The following CSPP1 variants were observed in gnomAD, a reference collection of about 807,000 sequenced individuals.
The protein encoded by CSPP1 is centrosome and spindle pole associated protein 1.
Under a neutral mutation model 164.4 loss-of-function variants are expected in CSPP1, and 126 were observed. The observed-to-expected ratio is 0.77, with a 90% CI of 0.66 to 0.89. The LOEUF (loss-of-function observed/expected upper bound fraction) is 0.89, where lower values mean the gene tolerates loss of function less well. Among genes scored for constraint, CSPP1 ranks in the 40% least tolerant of loss-of-function variants. CSPP1 has a pLI of 0.00. For missense variants in CSPP1, 1,395 were observed against 1,449.8 expected (o/e 0.96, Z 0.61); for synonymous variants, 472 against 476.7 (o/e 0.99, Z 0.13).
In CSPP1 at chr8:67,112,339, G is replaced by T. The variant is rs6998170; in HGVS notation, c.1187+274G>T. On this transcript the variant is annotated intron_variant, in intron 10 of 30. Transcript: ENST00000678616. ...TGATTTCTTCAGTTTTTGATTTAAG[G>T]TAGCATTTAATGTTATAGATATGCC... Among the ~76,000 whole-genome samples, 5,402 of 151,074 alleles carry T rather than the reference G, an allele frequency of 0.036. 200 individuals are homozygous for T. Among genetic ancestry groups the T allele is most frequent in the African/African-American group, 0.082 (3,386 of 41,142 alleles).
At chr8:67,149,752 T>C in intron 17 of CSPP1, 31 bp from the exon 18 acceptor site, 1 of 1,443,042 alleles carries the variant, frequency 6.9e-7, no homozygotes, top group Non-Finnish European at 9.2e-7. Flanking sequence ...AATGTGTTTA[T>C]TGAAATAAAT....
At chr8:67,069,841 G>T (rs1484851409) in intron 1 of CSPP1, among the ~76,000 whole-genome samples, 2 of 151,738 alleles carry the variant, frequency 1.3e-5, no homozygotes, top group African/African-American at 2.4e-5. Context: ...TGTATTTTTA[G>T]TAGAGACGGG....
chr8:67,167,386 G>A (rs541951282), intron 24 of CSPP1, among the ~76,000 whole-genome samples: 3 of 149,628 alleles, frequency 2.0e-5, no homozygotes, highest in Admixed American at 1.3e-4. Flanking sequence ...GCAGCTGGCC[G>A]GGCGGGGGCT....
At chr8:67,083,702 G>A (rs1026585902) in intron 3 of CSPP1, 1 of 151,540 alleles carries the variant, frequency 6.6e-6, no homozygotes, top group Non-Finnish European at 1.5e-5. Context: ...TTGTAAATTT[G>A]TAAATTGCTT....
chr8:67,177,565 T>G, intron 26 of CSPP1, 115 bp from the exon 27 acceptor site: 1 of 663,068 alleles, frequency 1.5e-6, no homozygotes, highest in Non-Finnish European at 2.7e-6. Context: ...TGAAGTGTGA[T>G]AGTTGAAAAG....
chr8:67,129,793 A>G (rs1338802336), intron 15 of CSPP1, among the ~76,000 whole-genome samples: 2 of 152,248 alleles, frequency 1.3e-5, no homozygotes, highest in Non-Finnish European at 2.9e-5. Context: ...TCCAGGAAGT[A>G]CAAATCTATA....
chr8:67,068,463 G>A (rs1402972494), intron 1 of CSPP1, among the ~76,000 whole-genome samples: 1 of 152,170 alleles, frequency 6.6e-6, no homozygotes, highest in Non-Finnish European at 1.5e-5. Flanking sequence ...ATATTGTAGA[G>A]TGTCATATAT....
At chr8:67,167,953 A>C in intron 24 of CSPP1, among the ~76,000 whole-genome samples, 1 of 152,094 alleles carries the variant, frequency 6.6e-6, no homozygotes, top group East Asian at 1.9e-4. Context: ...GGCGGCTGGG[A>C]GGTGGAGGTT....
chr8:67,079,857 G>A (rs188665679), intron 3 of CSPP1, among the ~76,000 whole-genome samples: 15 of 152,236 alleles, frequency 9.9e-5, no homozygotes, highest in East Asian at 5.8e-4. Context: ...AGCACAGTGC[G>A]CAGCACTTAC....
chr8:67,143,824 TGTTA>T (rs1265137465), intron 17 of CSPP1, among the ~76,000 whole-genome samples: 4 of 152,128 alleles, frequency 2.6e-5, no homozygotes, highest in Admixed American at 6.5e-5. Flanking sequence ...TAAACTCACT[TGTTA>T]GTTTTAGTAG....
intron 28 of CSPP1, among the ~76,000 whole-genome samples, chr8:67,184,943 C>CAAAAA (rs796384901): frequency 1.8e-4 from 10 of 56,074 alleles, no homozygotes; most frequent in East Asian, 7.0e-4. Flanking sequence ...ACTAAAAATA[C>CAAAAA]AAAAAAAAAA....
At chr8:67,193,224 A>G (rs1836903354) in intron 29 of CSPP1, among the ~76,000 whole-genome samples, 1 of 152,014 alleles carries the variant, frequency 6.6e-6, no homozygotes, top group Non-Finnish European at 1.5e-5. Flanking sequence ...CAGCCACCCA[A>G]GTAGCCGGGG....
rs1285976520 is a variant in CSPP1 at position 67,159,911 on chromosome 8, T to TC, written c.2538+775dup. Among the ~76,000 whole-genome samples the TC allele has an allele frequency of 1.0e-4, 7 of 68,150 alleles. 2 individuals are homozygous for TC. The South Asian group carries it at 1.7e-3, about 16-fold the overall frequency. The allele number at this position is 68,150 out of a possible 152,430, so 44.7% of individuals were successfully genotyped here. A position where few individuals can be genotyped will look rare whatever the true frequency, so the allele number is the denominator to read the frequency against. On this transcript the variant is annotated intron_variant, in intron 21 of 30. Transcript: ENST00000678616. Reference sequence around the variant, plus strand: ...TTCTTTCTTTCTTTCTTTCTTTCTTTCTTTCTTTCTTTCCTTTCCTTCCTT... The same window carrying TC: ...TTCTTTCTTTCTTTCTTTCTTTCTTTCCTTTCTTTCTTTCCTTTCCTTCCTT...
intron 15 of CSPP1, among the ~76,000 whole-genome samples, chr8:67,126,529 C>G (rs1246585522): frequency 6.6e-6 from 1 of 152,202 alleles, no homozygotes; most frequent in African/African-American, 2.4e-5. Flanking sequence ...ACCTCCCAGC[C>G]TATGCCAACT....
Position 67,095,318 on chromosome 8 carries a change from C to G in CSPP1, c.509C>G (p.Pro170Arg). Reference protein sequence around the residue: ...TEPKSQRNKKPIGQVKPDLTS... With the variant: ...TEPKSQRNKKRIGQVKPDLTS... ...CCCAAGAGTCAGAGAAATAAAAAAC[C>G]TATTGGTCAAGTTAAGCCTGATCTA... Residue 170 changes from proline to arginine, a missense_variant, in exon 7 of 31, where the codon CCT becomes CGT. Pro to Arg is a moderately radical substitution (Grantham distance 103). Coordinates refer to ENST00000678616, the MANE Select transcript of CSPP1 (RefSeq NM_001382391.1). The G allele has an allele frequency of 6.4e-7, 1 of 1,571,676 alleles. No individual in the cohort carries two copies. The highest frequency in any genetic ancestry group is 8.6e-7 in the Non-Finnish European group (1 of 1,167,132).
intron 10 of CSPP1, among the ~76,000 whole-genome samples, chr8:67,112,403 A>G (rs1817043548): frequency 6.6e-6 from 1 of 152,128 alleles, no homozygotes. Context: ...ATATAAAAGT[A>G]TTTTTTGCCA....
intron 27 of CSPP1, among the ~76,000 whole-genome samples, chr8:67,179,088 A>C (rs1832371358): frequency 6.6e-6 from 1 of 152,180 alleles, no homozygotes; most frequent in Non-Finnish European, 1.5e-5. Context: ...TGTCCTACTG[A>C]AGCCCAGATT....
rs111563518 is a variant in CSPP1 at position 67,165,059 on chromosome 8, C to T, written c.2828+551C>T. Among the ~76,000 whole-genome samples, 129 of 152,198 alleles carry T rather than the reference C, an allele frequency of 8.5e-4. 2 individuals carry two copies. The highest frequency in any genetic ancestry group is 2.2e-3 in the Admixed American group (34 of 15,292). On this transcript the variant is annotated intron_variant, in intron 24 of 30. Coordinates refer to ENST00000678616, the MANE Select transcript of CSPP1 (RefSeq NM_001382391.1). ...AGCACTTTTGGGAGGCCAAGGTGGG[C>T]GGATCACGAGGTCAGGAGATCGAGA...
intron 24 of CSPP1, among the ~76,000 whole-genome samples, chr8:67,166,965 GC>G (rs1338054256): frequency 2.0e-5 from 3 of 152,048 alleles, no homozygotes; most frequent in Non-Finnish European, 4.4e-5. Context: ...GTTTAACAAA[GC>G]ACATCTTGCA....
Sources: allele counts gnomAD v4.1 joint callset (sites outside exome capture counted in the v4.1 genomes callset), GRCh38; gene constraint gnomAD v4.1.1; transcripts MANE v1.5; gene names NCBI Gene and HGNC (gene_info 2026-07-23, HGNC 2026-07-21).